The following OGDH variants were observed in gnomAD, a reference collection of about 807,000 sequenced individuals.
OGDH encodes the protein 2-oxoglutarate dehydrogenase complex component E1.
OGDH carries 38 observed loss-of-function variants against 116.6 expected under a neutral mutation model. That is an observed-to-expected ratio of 0.33 (90% CI 0.25 to 0.43). The LOEUF is 0.43. Among genes scored for constraint, OGDH ranks in the 20% least tolerant of loss-of-function variants. The pLI, the probability that OGDH is intolerant of heterozygous loss-of-function variation, is 1.00. For synonymous variants in OGDH, 488 were observed against 533.3 expected (o/e 0.92, Z 1.17); for missense variants, 825 against 1,357.2 (o/e 0.61, Z 6.16).
intron 7 of OGDH, among the ~76,000 whole-genome samples, 194 bp from the exon 8 acceptor site, chr7:44,674,984 A>C (rs1787625913): frequency 6.6e-6 from 1 of 151,482 alleles, no homozygotes. Context: ...TCTGCTGCCC[A>C]CTGTGGCCTT....
In OGDH at chr7:44,707,459, C is replaced by G. The variant is rs1206078306; in HGVS notation, c.2796+71C>G. 3 of 1,599,298 alleles carry G rather than the reference C, an allele frequency of 1.9e-6. No homozygotes were observed. Among genetic ancestry groups the G allele is most frequent in the Admixed American group, 1.7e-5 (1 of 58,972 alleles). ...GGGCTCTGGTGCCTTCACAGAACAGCCTTGCTTGGGGTGTGGCCCTCAGGT... is the reference window on the plus strand; with the variant it reads ...GGGCTCTGGTGCCTTCACAGAACAGGCTTGCTTGGGGTGTGGCCCTCAGGT... On this transcript the variant is annotated intron_variant, in intron 21 of 22. Transcript: ENST00000222673. The surrounding 1 kb of genome is among the most constrained non-coding windows in gnomAD (Gnocchi z 5.2).
chr7:44,684,908 C>A (rs1788067263), intron 10 of OGDH, among the ~76,000 whole-genome samples: 1 of 151,936 alleles, frequency 6.6e-6, no homozygotes, highest in African/African-American at 2.4e-5. Context: ...TCCTGTCTGT[C>A]TCCCAAGTAG....
intron 8 of OGDH, 88 bp from the exon 9 acceptor site, chr7:44,675,877 CAAAAA>C (rs372547546): frequency 8.8e-7 from 1 of 1,137,880 alleles, no homozygotes; most frequent in Non-Finnish European, 1.2e-6. Flanking sequence ...AACTCCATCT[CAAAAA>C]AAAAAAAAAA....
chr7:44,617,524 T>C (rs1337502688), intron 1 of OGDH, among the ~76,000 whole-genome samples: 1 of 152,208 alleles, frequency 6.6e-6, no homozygotes, highest in Non-Finnish European at 1.5e-5. Context: ...CCTCAGCTTA[T>C]ATGTAATGAG....
chr7:44,661,667 A>G (rs1444329879), intron 4 of OGDH, among the ~76,000 whole-genome samples: 1 of 151,508 alleles, frequency 6.6e-6, no homozygotes, highest in Non-Finnish European at 1.5e-5. Context: ...CAGGGGCGTG[A>G]TCTTGGTGCA....
At chr7:44,685,253 A>G (rs1172855575) in intron 10 of OGDH, among the ~76,000 whole-genome samples, 5 of 152,144 alleles carry the variant, frequency 3.3e-5, no homozygotes, top group Non-Finnish European at 7.3e-5. Flanking sequence ...TACCCATTCA[A>G]CATGAACTCC....
At chr7:44,664,714 GTTGTACTTA>G (rs1041394812) in intron 4 of OGDH, among the ~76,000 whole-genome samples, 40 of 152,232 alleles carry the variant, frequency 2.6e-4, no homozygotes, top group African/African-American at 9.6e-4. Flanking sequence ...AGGATTTTTA[GTTGTACTTA>G]TTGGGGGAAT....
At chr7:44,626,321 A>ACG (rs1785203174) in intron 2 of OGDH, among the ~76,000 whole-genome samples, 1 of 135,432 alleles carries the variant, frequency 7.4e-6, no homozygotes, top group Non-Finnish European at 1.6e-5. Flanking sequence ...ACACACACAC[A>ACG]CACACACACA....
intron 18 of OGDH, 96 bp from the exon 19 acceptor site, chr7:44,700,045 G>A (rs1788757982): frequency 7.5e-7 from 1 of 1,333,578 alleles, no homozygotes; most frequent in Non-Finnish European, 1.0e-6. Flanking sequence ...TTTGGGCAGG[G>A]ACAAATATCC....
At chr7:44,678,746 T>C (rs1787804309) in intron 9 of OGDH, among the ~76,000 whole-genome samples, 1 of 152,200 alleles carries the variant, frequency 6.6e-6, no homozygotes, top group Non-Finnish European at 1.5e-5. Context: ...GGCTCAGCCA[T>C]CTGCCTGTTC....
chr7:44,676,740 C>T (rs1787720270), intron 9 of OGDH: 1 of 201,240 alleles, frequency 5.0e-6, no homozygotes, highest in South Asian at 1.7e-4. Flanking sequence ...GGGAAGTTTG[C>T]TTTTGTCTTC....
chr7:44,625,807 G>T (rs577311329), intron 2 of OGDH, among the ~76,000 whole-genome samples: 2 of 150,856 alleles, frequency 1.3e-5, no homozygotes, highest in Admixed American at 1.3e-4. Context: ...TGACACTTAC[G>T]AATTTTTTTT....
intron 9 of OGDH, chr7:44,676,592 A>G (rs116349330): frequency 0.013 from 2,288 of 179,480 alleles, 58 homozygotes; most frequent in African/African-American, 0.092. Flanking sequence ...ATATATGTAT[A>G]TGTATGTATG....
Position 44,705,098 on chromosome 7 carries a change from G to T in OGDH, c.2633-2127G>T, listed in dbSNP as rs1462192467. Among the ~76,000 whole-genome samples, 4 of 129,186 alleles carry T rather than the reference G, an allele frequency of 3.1e-5. No homozygotes were observed. In the East Asian group the frequency reaches 9.9e-4, roughly 32 times the overall value. The allele number at this position is 129,186 out of a possible 152,430, so 84.8% of individuals were successfully genotyped here. Reference sequence around the variant, plus strand: ...GACGGAGTCTCGCTCTGTCGCCCAGGCTGGAGTGCAGTGGCGGGATCTCGG... The same window carrying T: ...GACGGAGTCTCGCTCTGTCGCCCAGTCTGGAGTGCAGTGGCGGGATCTCGG... On this transcript the variant is annotated intron_variant, in intron 20 of 22. Coordinates refer to ENST00000222673, the MANE Select transcript of OGDH (RefSeq NM_002541.4).
At chr7:44,635,505 G>A (rs1457457483) in intron 2 of OGDH, among the ~76,000 whole-genome samples, 1 of 152,070 alleles carries the variant, frequency 6.6e-6, no homozygotes, top group Non-Finnish European at 1.5e-5. Flanking sequence ...TACGTGGGTG[G>A]GCTGGGCTTG....
intron 4 of OGDH, among the ~76,000 whole-genome samples, chr7:44,651,395 G>GGA (rs1786433082): frequency 6.6e-6 from 1 of 152,184 alleles, no homozygotes; most frequent in African/African-American, 2.4e-5. Flanking sequence ...TTACCAGTTA[G>GGA]GAGAGACTGT....
At chr7:44,693,704 G>A in intron 10 of OGDH, 121 bp from the exon 11 acceptor site, 1 of 671,496 alleles carries the variant, frequency 1.5e-6, no homozygotes, top group East Asian at 3.1e-5. Flanking sequence ...CAGCCATTTT[G>A]GGGTACGTAC....
chr7:44,670,781 C>T (rs374178013), intron 5 of OGDH, among the ~76,000 whole-genome samples: 7 of 151,976 alleles, frequency 4.6e-5, no homozygotes, highest in Admixed American at 1.3e-4. Flanking sequence ...GAGGCCAAGG[C>T]GGGCGAATCA....
intron 8 of OGDH, 94 bp downstream of exon 8, chr7:44,675,362 G>A: frequency 2.0e-6 from 2 of 1,025,050 alleles, no homozygotes; most frequent in East Asian, 2.6e-5. Context: ...ACGGGGGGTT[G>A]GTTCTTCTGT....
Sources: gnomAD v4.1 joint callset for allele counts (sites outside exome capture counted in the v4.1 genomes callset) on GRCh38, gnomAD v4.1.1 for gene constraint, Gnocchi (gnomAD v3.1) non-coding constraint, MANE v1.5 for transcripts, NCBI Gene and HGNC (gene_info 2026-07-23, HGNC 2026-07-21) for gene names.